Variants in CHRM3 observed in about 807,000 individuals in gnomAD.
CHRM3 encodes muscarinic acetylcholine receptor M3.
CHRM3 carries 11 observed loss-of-function variants against 41.8 expected under a neutral mutation model. The observed-to-expected ratio is 0.26, with a 90% confidence interval of 0.17 to 0.44. CHRM3 has a LOEUF of 0.44. Ranked by LOEUF, CHRM3 falls within the 20% of genes least tolerant of loss-of-function variation. The pLI is 1.00. For synonymous variants in CHRM3, 297 were observed against 301.4 expected, an observed-to-expected ratio of 0.99 and a Z score of 0.15; for missense variants, 571 against 745.4, an observed-to-expected ratio of 0.77 and a Z score of 2.72.
chr1:239,760,911 C>G (rs1666709267), intron 5 of CHRM3, among the ~76,000 whole-genome samples: 1 of 152,170 alleles, frequency 6.6e-6, no homozygotes, highest in Non-Finnish European at 1.5e-5. Context: ...TTGTCGTTTC[C>G]ATCAGATTTG....
intron 5 of CHRM3, among the ~76,000 whole-genome samples, chr1:239,759,892 C>G (rs1191232269): frequency 6.6e-6 from 1 of 152,014 alleles, no homozygotes; most frequent in Non-Finnish European, 1.5e-5. Flanking sequence ...GTATCAAATA[C>G]TTTTCTTTAT....
chr1:239,881,958 T>G (rs1188324301), intron 6 of CHRM3, among the ~76,000 whole-genome samples: 1 of 152,170 alleles, frequency 6.6e-6, no homozygotes, highest in Non-Finnish European at 1.5e-5. Flanking sequence ...CAGGCTGGAG[T>G]GCAGTGGTGC....
intron 5 of CHRM3, among the ~76,000 whole-genome samples, chr1:239,817,544 C>T (rs1474027206): frequency 6.6e-6 from 1 of 151,918 alleles, no homozygotes; most frequent in Non-Finnish European, 1.5e-5. Context: ...GAGGAAGCTT[C>T]CCACGGGCTA....
chr1:239,547,873 C>T, intron 3 of CHRM3, among the ~76,000 whole-genome samples: 1 of 150,496 alleles, frequency 6.6e-6, no homozygotes, highest in Non-Finnish European at 1.5e-5. Context: ...GTATGGAATA[C>T]TGAAATGACA....
At chr1:239,491,111 A>G (rs1383194434) in intron 1 of CHRM3, among the ~76,000 whole-genome samples, 1 of 152,188 alleles carries the variant, frequency 6.6e-6, no homozygotes, top group Non-Finnish European at 1.5e-5. Flanking sequence ...ATTTCCATAC[A>G]TTTATACAAT....
intron 6 of CHRM3, among the ~76,000 whole-genome samples, chr1:239,855,356 TAC>T (rs1173464161): frequency 2.0e-5 from 3 of 152,204 alleles, no homozygotes; most frequent in Admixed American, 6.5e-5. Context: ...ATTCAGAATT[TAC>T]CTAACTCAGT....
intron 5 of CHRM3, chr1:239,707,612 T>C (rs1178386751): frequency 6.6e-6 from 1 of 152,184 alleles, no homozygotes; most frequent in African/African-American, 2.4e-5. Flanking sequence ...TGCAGAGACA[T>C]ACAATAGCAA....
chr1:239,760,090 ATT>A (rs66496252), intron 5 of CHRM3, among the ~76,000 whole-genome samples: 119,686 of 142,956 alleles, frequency 0.84, 51,919 homozygotes, highest in Non-Finnish European at 0.96. Flanking sequence ...AATTTTTTGT[ATT>A]TTTTTTTTTT....
chr1:239,447,508 A>G (rs1392992269), intron 1 of CHRM3, among the ~76,000 whole-genome samples: 1 of 152,202 alleles, frequency 6.6e-6, no homozygotes, highest in Non-Finnish European at 1.5e-5. Context: ...AATACCTAGC[A>G]GACCAGAAGC....
intron 3 of CHRM3, among the ~76,000 whole-genome samples, chr1:239,617,498 G>A (rs1025285163): frequency 6.6e-6 from 1 of 152,142 alleles, no homozygotes; most frequent in Non-Finnish European, 1.5e-5. Flanking sequence ...GCAGAGGGAG[G>A]AGAATTGCTT....
intron 2 of CHRM3, among the ~76,000 whole-genome samples, chr1:239,529,356 A>C (rs1670209897): frequency 1.3e-5 from 2 of 152,162 alleles, no homozygotes; most frequent in Non-Finnish European, 2.9e-5. Context: ...CACGCCTGTA[A>C]TCCCAGCACT....
chr1:239,644,620 A>G (rs1867263), intron 4 of CHRM3, among the ~76,000 whole-genome samples: 100,230 of 151,984 alleles, frequency 0.66, 33,415 homozygotes, highest in East Asian at 0.84. Context: ...AATTCTTATC[A>G]GCCTGTCCCT....
chr1:239,611,292 G>A (rs1349472169), intron 3 of CHRM3, among the ~76,000 whole-genome samples: 7 of 151,736 alleles, frequency 4.6e-5, no homozygotes, highest in Non-Finnish European at 1.0e-4. Flanking sequence ...AGTCCTTCTC[G>A]ATTATAGTCA....
At chr1:239,587,704 A>C (rs1468797273) in intron 3 of CHRM3, among the ~76,000 whole-genome samples, 1 of 152,144 alleles carries the variant, frequency 6.6e-6, no homozygotes, top group Non-Finnish European at 1.5e-5. Context: ...CTTAACTCCT[A>C]AGCAACGAAG....
intron 6 of CHRM3, among the ~76,000 whole-genome samples, chr1:239,832,504 T>G (rs1398705679): frequency 6.6e-6 from 1 of 152,100 alleles, no homozygotes; most frequent in African/African-American, 2.4e-5. Context: ...AGACAAACTG[T>G]TACCGGGAAG....
chr1:239,589,941 G>T (rs963732395), intron 3 of CHRM3, among the ~76,000 whole-genome samples: 1 of 152,014 alleles, frequency 6.6e-6, no homozygotes, highest in African/African-American at 2.4e-5. Flanking sequence ...AGTGATAAAT[G>T]TAAGTGCTTT....
chr1:239,909,912 A>C lies in CHRM3; in HGVS notation c.*688A>C, dbSNP rs1165280308. 1 of 167,064 alleles carries C rather than the reference A, an allele frequency of 6.0e-6. No individual in the cohort carries two copies. Among genetic ancestry groups the C allele is most frequent in the Non-Finnish European group, 1.5e-5 (1 of 68,120 alleles). 10.3% of individuals were successfully genotyped at this position (167,064 alleles called of 1,614,324 possible). ...TATCATGGGAAACACTGAACTGGCA[A>C]ATTATTCCTGCAACATACGCTTTCA... On this transcript the variant is annotated 3_prime_UTR_variant, in exon 7 of 7. Transcript: ENST00000676153.
chr1:239,511,016 A>G (rs894918010), intron 2 of CHRM3, among the ~76,000 whole-genome samples: 1 of 152,168 alleles, frequency 6.6e-6, no homozygotes, highest in African/African-American at 2.4e-5. Flanking sequence ...AGAGAGAAAC[A>G]CCTCTATAAG....
At chr1:239,612,671 C>A (rs571227692) in intron 3 of CHRM3, among the ~76,000 whole-genome samples, 17 of 152,308 alleles carry the variant, frequency 1.1e-4, no homozygotes, top group African/African-American at 4.1e-4. Context: ...CTTTCCCATT[C>A]CCTGCAGACA....
Sources: gnomAD v4.1 joint callset for allele counts (sites outside exome capture counted in the v4.1 genomes callset) on GRCh38, gnomAD v4.1.1 for gene constraint, MANE v1.5 for transcripts, NCBI Gene and HGNC (gene_info 2026-07-23, HGNC 2026-07-21) for gene names.